Variants in FBXO34 observed in about 807,000 individuals in gnomAD.
The protein encoded by FBXO34 is F-box protein 34.
Under a neutral mutation model 24.5 loss-of-function variants are expected in FBXO34, and 12 were observed. The ratio of observed to expected loss-of-function variants is 0.49; its 90% confidence interval spans 0.31 to 0.79. The LOEUF is 0.79. Ranked by LOEUF, FBXO34 falls within the 30% of genes least tolerant of loss-of-function variation. The pLI, the probability that FBXO34 is intolerant of heterozygous loss-of-function variation, is 0.04. For synonymous variants in FBXO34, 320 were observed against 311.9 expected (o/e 1.03, Z -0.27); for missense variants, 823 against 857.7 (o/e 0.96, Z 0.51).
chr14:55,299,897 A>T (rs573197580), intron 1 of FBXO34, among the ~76,000 whole-genome samples: 1 of 152,336 alleles, frequency 6.6e-6, no homozygotes, highest in African/African-American at 2.4e-5. Flanking sequence ...CTCATGTAGG[A>T]GGGGAAATTA....
Position 55,351,086 on chromosome 14 carries a change from A to G in FBXO34, c.696A>G (p.Ser232=). ...GCTGTTCAAAAAACTGCACAAACTC[A>G]CCTGCAATTGTGAGGTTTTCTGGCC... ...LASCSKNCTN[S]PAIVRFSGQS... Residue 232 remains serine, a synonymous_variant, in exon 2 of 2, where the codon TCA becomes TCG. Coordinates refer to ENST00000313833, the MANE Select transcript of FBXO34 (RefSeq NM_017943.4). The G allele has an allele frequency of 1.2e-6, 2 of 1,614,088 alleles. 1 individual carries two copies. Among genetic ancestry groups the G allele is most frequent in the South Asian group, 2.2e-5 (2 of 91,074 alleles).
chr14:55,429,766 C>CAAAAAAA, the FBXO34 span, among the ~76,000 whole-genome samples: 8 of 52,372 alleles, frequency 1.5e-4, no homozygotes, highest in Non-Finnish European at 1.9e-4. Flanking sequence ...AACTCCGTCT[C>CAAAAAAA]AAAAAAAAAA....
downstream of FBXO34, among the ~76,000 whole-genome samples, chr14:55,358,168 T>C (rs1884548069): frequency 6.6e-6 from 1 of 152,160 alleles, no homozygotes; most frequent in African/African-American, 2.4e-5. Flanking sequence ...CAGCCCTTAT[T>C]TTCTCTCCTA....
At chr14:55,362,154 C>G (rs1884602156), downstream of FBXO34, among the ~76,000 whole-genome samples, 1 of 152,150 alleles carries the variant, frequency 6.6e-6, no homozygotes, top group South Asian at 2.1e-4. Context: ...CTCTGTAGGG[C>G]TATAATTGGC....
the FBXO34 span, among the ~76,000 whole-genome samples, chr14:55,418,339 TAGTC>T: frequency 6.6e-6 from 1 of 152,216 alleles, no homozygotes; most frequent in African/African-American, 2.4e-5. Flanking sequence ...CCCTACCCCT[TAGTC>T]AGCTCCAAAT....
rs571893104 is a variant in FBXO34, at chr14:55,281,592, C to T, written c.-11+10055C>T. Among the ~76,000 whole-genome samples the T allele has an allele frequency of 5.9e-5, 9 of 152,318 alleles. No homozygotes were observed. The South Asian group carries it at 1.9e-3, about 32-fold the overall frequency. ...GACTCCCTGCAATAAACCTGGTATT[C>T]AGGCAGTTTCCTCAGCCTTGCTTTC... On this transcript the variant is annotated intron_variant, in intron 1 of 1. Transcript: ENST00000313833.
the FBXO34 span, chr14:55,411,533 C>T: frequency 2.4e-4 from 350 of 1,478,254 alleles, 1 homozygote; most frequent in African/African-American, 4.4e-3. Context: ...GCCCCAGGTT[C>T]CAGCCTTCGG....
At chr14:55,287,018 C>T (rs1046762976) in intron 1 of FBXO34, among the ~76,000 whole-genome samples, 1 of 150,762 alleles carries the variant, frequency 6.6e-6, no homozygotes, top group South Asian at 2.1e-4. Flanking sequence ...AAGCGATTCT[C>T]GTGCCTTGGC....
the FBXO34 span, chr14:55,411,867 C>A: frequency 6.6e-7 from 1 of 1,524,114 alleles, no homozygotes; most frequent in East Asian, 2.4e-5. Context: ...TTGTTTTCAA[C>A]CGGGTGCATT....
At chr14:55,384,479 G>C in the FBXO34 span, among the ~76,000 whole-genome samples, 2 of 152,132 alleles carry the variant, frequency 1.3e-5, no homozygotes, top group Non-Finnish European at 2.9e-5. Context: ...TGGGGTTCAG[G>C]ACTCAAGATC....
chr14:55,331,142 G>A (rs1386927924), intron 1 of FBXO34, among the ~76,000 whole-genome samples: 1 of 152,094 alleles, frequency 6.6e-6, no homozygotes, highest in Non-Finnish European at 1.5e-5. Context: ...GTTACAGATT[G>A]GGCTTCTATT....
chr14:55,375,156 T>C, the FBXO34 span, among the ~76,000 whole-genome samples: 2 of 152,208 alleles, frequency 1.3e-5, no homozygotes, highest in Non-Finnish European at 2.9e-5. Flanking sequence ...AAATAATACA[T>C]GTGGAATAAA....
intron 1 of FBXO34, among the ~76,000 whole-genome samples, chr14:55,274,103 C>T (rs1029489495): frequency 2.0e-5 from 3 of 152,178 alleles, no homozygotes; most frequent in African/African-American, 7.2e-5. Flanking sequence ...CGTTCTCGGC[C>T]AGGTGTGCTA....
intron 1 of FBXO34, among the ~76,000 whole-genome samples, chr14:55,339,782 C>T (rs1238496883): frequency 6.6e-6 from 1 of 152,186 alleles, no homozygotes; most frequent in Non-Finnish European, 1.5e-5. Flanking sequence ...CCATAAATCT[C>T]GTTTCTTTAC....
chr14:55,365,866 C>T (rs1191508414), downstream of FBXO34, among the ~76,000 whole-genome samples: 2 of 152,170 alleles, frequency 1.3e-5, no homozygotes, highest in African/African-American at 4.8e-5. Context: ...GGTATCTTCT[C>T]CACCACCTGC....
At chr14:55,303,595 T>C (rs1209725428) in intron 1 of FBXO34, among the ~76,000 whole-genome samples, 6 of 133,634 alleles carry the variant, frequency 4.5e-5, no homozygotes, top group Non-Finnish European at 9.8e-5. Flanking sequence ...CCCATTCTTA[T>C]CTTTTTTTTT....
At chr14:55,382,425 C>A in the FBXO34 span, among the ~76,000 whole-genome samples, 1 of 152,138 alleles carries the variant, frequency 6.6e-6, no homozygotes, top group Admixed American at 6.5e-5. Context: ...CAGAGATACT[C>A]CTGCCTCAGC....
intron 1 of FBXO34, among the ~76,000 whole-genome samples, chr14:55,275,210 C>T (rs1346398624): frequency 1.3e-5 from 2 of 152,184 alleles, no homozygotes; most frequent in Non-Finnish European, 2.9e-5. Flanking sequence ...AGTTAATGCT[C>T]CACAGAAGAG....
chr14:55,355,430 C>T (rs1160204914), downstream of FBXO34, among the ~76,000 whole-genome samples: 2 of 152,188 alleles, frequency 1.3e-5, no homozygotes, highest in Admixed American at 1.3e-4. Flanking sequence ...TCTTGTCTGT[C>T]ACCGTATCTT....
Sources: allele counts gnomAD v4.1 joint callset (sites outside exome capture counted in the v4.1 genomes callset), GRCh38; gene constraint gnomAD v4.1.1; transcripts MANE v1.5; gene names NCBI Gene and HGNC (gene_info 2026-07-23, HGNC 2026-07-21).